PRRC2C: variants seen among roughly 807,000 people sequenced by gnomAD.
The protein encoded by PRRC2C is protein PRRC2C.
PRRC2C carries 72 observed loss-of-function variants against 317.2 expected under a neutral mutation model. The observed-to-expected ratio is 0.23, with a 90% CI of 0.19 to 0.28. The LOEUF is 0.28. Ranked by LOEUF, PRRC2C falls within the 10% of genes least tolerant of loss-of-function variation. The pLI is 1.00. For synonymous variants in PRRC2C, 1,296 were observed against 1,205.9 expected (o/e 1.07, Z -1.55); for missense variants, 3,074 against 3,459.7 (o/e 0.89, Z 2.80).
At chr1:171,549,114 A>G (rs905363972) in intron 17 of PRRC2C, among the ~76,000 whole-genome samples, 6 of 152,262 alleles carry the variant, frequency 3.9e-5, no homozygotes, top group African/African-American at 1.4e-4. Context: ...AAACAGAGAC[A>G]TTAAGAGTCA....
At chr1:171,519,343 T>G (rs1447052583) in intron 6 of PRRC2C, among the ~76,000 whole-genome samples, 1 of 152,246 alleles carries the variant, frequency 6.6e-6, no homozygotes, top group East Asian at 1.9e-4. Context: ...ATTATGTTAG[T>G]ATTCCAGTAG....
chr1:171,583,737 T>C (rs1649234740), intron 28 of PRRC2C, among the ~76,000 whole-genome samples: 1 of 152,206 alleles, frequency 6.6e-6, no homozygotes, highest in African/African-American at 2.4e-5. Context: ...GAGTCATATG[T>C]TCTATGATAT....
At chr1:171,547,316 G>T (rs1039206925) in intron 17 of PRRC2C, among the ~76,000 whole-genome samples, 4 of 152,142 alleles carry the variant, frequency 2.6e-5, no homozygotes, top group Non-Finnish European at 5.9e-5. Context: ...AAAAAGTAGT[G>T]TTCGAATTTT....
At position 171,564,386 on chromosome 1, in the gene PRRC2C, A is replaced by G. The variant is rs534568978; in HGVS notation, c.6118-1847A>G. Among the ~76,000 whole-genome samples, 4 of 152,326 alleles carry G rather than the reference A, an allele frequency of 2.6e-5. No homozygotes were observed. In the South Asian group the frequency reaches 8.3e-4, roughly 32 times the overall value. Reference sequence around the variant, plus strand: ...GACAGTTATTTTTCTACTCATTTAAATATGTACAAGTTCTTAACATTTTTG... The same window carrying G: ...GACAGTTATTTTTCTACTCATTTAAGTATGTACAAGTTCTTAACATTTTTG... On this transcript the variant is annotated intron_variant, in intron 20 of 34. Transcript: ENST00000647382.
At position 171,579,554 on chromosome 1, in the gene PRRC2C, C is replaced by A. The variant is rs573050967; in HGVS notation, c.7272+88C>A. 6 of 1,463,902 alleles carry A rather than the reference C, an allele frequency of 4.1e-6. No individual in the cohort carries two copies. In the African/African-American group the frequency reaches 8.4e-5, roughly 21 times the overall value. The allele number at this position is 1,463,902 out of a possible 1,614,324, so 90.7% of individuals were successfully genotyped here. On this transcript the variant is annotated intron_variant, in intron 27 of 34. Transcript: ENST00000647382. ...TATCTTGGAACATAAATAATAGACTCTGAAATTACAAGCTACCCACGATTA... is the reference window on the plus strand; with the variant it reads ...TATCTTGGAACATAAATAATAGACTATGAAATTACAAGCTACCCACGATTA...
intron 17 of PRRC2C, among the ~76,000 whole-genome samples, 177 bp from the exon 18 acceptor site, chr1:171,549,909 G>T (rs182609707): frequency 3.1e-4 from 47 of 151,422 alleles, no homozygotes; most frequent in Admixed American, 5.9e-4. Context: ...AATCTTTTCA[G>T]ATCTTTACAA....
intron 17 of PRRC2C, 97 bp from the exon 18 acceptor site, chr1:171,549,988 AG>A (rs1679897122): frequency 2.8e-6 from 2 of 718,442 alleles, no homozygotes; most frequent in South Asian, 5.7e-5. Flanking sequence ...GCCTTTGGCT[AG>A]TTTTTTTTTT....
At chr1:171,579,213 C>T (rs548209659) in intron 26 of PRRC2C, 141 bp from the exon 27 acceptor site, 23 of 1,167,910 alleles carry the variant, frequency 2.0e-5, no homozygotes, top group African/African-American at 4.6e-5. Context: ...CATCTTGTCA[C>T]GTTTTTAGTT....
At chr1:171,496,590 A>G (rs537565949) in intron 1 of PRRC2C, among the ~76,000 whole-genome samples, 24 of 152,194 alleles carry the variant, frequency 1.6e-4, no homozygotes, top group African/African-American at 3.1e-4. Context: ...ATATTTTACC[A>G]TATTTACTTT....
intron 30 of PRRC2C, among the ~76,000 whole-genome samples, chr1:171,585,284 A>G (rs899480337): frequency 4.6e-5 from 7 of 152,230 alleles, no homozygotes; most frequent in African/African-American, 1.7e-4. Flanking sequence ...CAGGTTAGCT[A>G]TACATACAAC....
chr1:171,517,443 C>A, intron 5 of PRRC2C, 148 bp from the exon 6 acceptor site: 1 of 729,238 alleles, frequency 1.4e-6, no homozygotes, highest in Non-Finnish European at 2.2e-6. Context: ...ACGCAAACAA[C>A]TTGAAAGCAT....
intron 15 of PRRC2C, among the ~76,000 whole-genome samples, chr1:171,537,942 C>A (rs1176189390): frequency 6.6e-6 from 1 of 151,732 alleles, no homozygotes; most frequent in Non-Finnish European, 1.5e-5. Context: ...GCTCTGTCTC[C>A]CAGGCTGGAG....
chr1:171,583,829 CTGT>C (rs1376644504), intron 28 of PRRC2C, 124 bp from the exon 29 acceptor site: 3 of 742,650 alleles, frequency 4.0e-6, no homozygotes, highest in Non-Finnish European at 6.6e-6. Context: ...TATATGTGGT[CTGT>C]TGTTGACTAA....
chr1:171,488,101 C>T (rs560374215), intron 1 of PRRC2C, among the ~76,000 whole-genome samples: 6 of 129,424 alleles, frequency 4.6e-5, no homozygotes, highest in African/African-American at 1.4e-4. Context: ...CCCTGTCTGC[C>T]TCCAAGTGCC....
intron 9 of PRRC2C, 45 bp from the exon 10 acceptor site, chr1:171,524,776 G>GA: frequency 6.7e-7 from 1 of 1,497,070 alleles, no homozygotes; most frequent in Non-Finnish European, 8.9e-7. Context: ...GTGTACTTAT[G>GA]ATACAGTTGG....
At chr1:171,580,721 T>A (rs929812004) in intron 28 of PRRC2C, among the ~76,000 whole-genome samples, 4 of 152,142 alleles carry the variant, frequency 2.6e-5, no homozygotes, top group Non-Finnish European at 4.4e-5. Flanking sequence ...TCCAGTTTAA[T>A]GAGGGAAGAA....
intron 30 of PRRC2C, among the ~76,000 whole-genome samples, chr1:171,585,606 A>C (rs561113388): frequency 1.2e-4 from 19 of 152,316 alleles, no homozygotes; most frequent in Non-Finnish European, 2.5e-4. Context: ...ACCAGCCTTG[A>C]AAGTATTATG....
intron 6 of PRRC2C, among the ~76,000 whole-genome samples, chr1:171,520,819 T>TA (rs1553214402): frequency 6.7e-5 from 10 of 149,448 alleles, no homozygotes; most frequent in Non-Finnish European, 1.5e-4. Context: ...TTTTTTTTTT[T>TA]AATAAAGACG....
intron 18 of PRRC2C, among the ~76,000 whole-genome samples, chr1:171,553,194 G>A (rs1557986581): frequency 6.6e-6 from 1 of 152,192 alleles, no homozygotes; most frequent in Non-Finnish European, 1.5e-5. Context: ...TCTTGGGAGG[G>A]TGTGTGTGTC....
Sources: gnomAD v4.1 joint callset for allele counts (sites outside exome capture counted in the v4.1 genomes callset) on GRCh38, gnomAD v4.1.1 for gene constraint, MANE v1.5 for transcripts, NCBI Gene and HGNC (gene_info 2026-07-23, HGNC 2026-07-21) for gene names.